Variants in TMEM178B observed in about 807,000 individuals in gnomAD.
The protein encoded by TMEM178B is transmembrane protein 178B.
A neutral mutation model predicts 31.0 loss-of-function variants in TMEM178B; 5 were observed. The ratio of observed to expected loss-of-function variants is 0.16; its 90% CI spans 0.08 to 0.34. TMEM178B has a LOEUF of 0.34. TMEM178B is among the 10% of genes least tolerant of loss of function. The pLI is 1.00. For synonymous variants in TMEM178B, 164 were observed against 164.0 expected (o/e 1.00, Z 0.00); for missense variants, 275 against 400.3 (o/e 0.69, Z 2.67).
At chr7:141,340,532 A>G (rs1351931300) in intron 2 of TMEM178B, among the ~76,000 whole-genome samples, 1 of 152,210 alleles carries the variant, frequency 6.6e-6, no homozygotes, top group Admixed American at 6.5e-5. Flanking sequence ...TGCTTCTTTC[A>G]ATTTTTGTCA....
chr7:141,191,273 G>T (rs905089732), intron 1 of TMEM178B, among the ~76,000 whole-genome samples: 13 of 152,120 alleles, frequency 8.5e-5, no homozygotes, highest in African/African-American at 3.1e-4. Flanking sequence ...CCTATTGATG[G>T]AAATTTAGGT....
chr7:141,158,198 C>T (rs1191316829), intron 1 of TMEM178B, among the ~76,000 whole-genome samples: 1 of 152,130 alleles, frequency 6.6e-6, no homozygotes. Context: ...CGGGTTCAAG[C>T]GATTCTCTTG....
chr7:141,080,354 C>T (rs954984770), intron 1 of TMEM178B, among the ~76,000 whole-genome samples: 19 of 152,134 alleles, frequency 1.2e-4, no homozygotes, highest in Admixed American at 2.6e-4. Context: ...GGCACGGTGG[C>T]GCACGCCTGT....
chr7:141,262,607 A>G (rs913210505), intron 2 of TMEM178B, among the ~76,000 whole-genome samples: 4 of 151,912 alleles, frequency 2.6e-5, no homozygotes, highest in Non-Finnish European at 5.9e-5. Flanking sequence ...TTCAGCTGGC[A>G]ATTTGCTACA....
chr7:141,137,022 A>G (rs1483479377), intron 1 of TMEM178B, among the ~76,000 whole-genome samples: 5 of 152,240 alleles, frequency 3.3e-5, no homozygotes, highest in Admixed American at 2.0e-4. Context: ...ATATCACCCC[A>G]GTTAGAATGG....
chr7:141,427,613 C>G (rs1801343186), intron 2 of TMEM178B, among the ~76,000 whole-genome samples: 1 of 152,114 alleles, frequency 6.6e-6, no homozygotes. Flanking sequence ...TGGAGGAAAA[C>G]AGGGGAAATG....
At chr7:141,201,191 A>T (rs1464481638) in intron 1 of TMEM178B, among the ~76,000 whole-genome samples, 1 of 152,256 alleles carries the variant, frequency 6.6e-6, no homozygotes, top group Non-Finnish European at 1.5e-5. Flanking sequence ...ACCGGCACAC[A>T]GCAGCCCACA....
intron 1 of TMEM178B, among the ~76,000 whole-genome samples, chr7:141,164,640 C>G (rs998742080): frequency 6.6e-6 from 1 of 152,172 alleles, no homozygotes; most frequent in Non-Finnish European, 1.5e-5. Context: ...GGTTTTCATT[C>G]TATTGCTGTT....
At chr7:141,420,759 C>T (rs1255663740) in intron 2 of TMEM178B, among the ~76,000 whole-genome samples, 1 of 152,134 alleles carries the variant, frequency 6.6e-6, no homozygotes, top group South Asian at 2.1e-4. Context: ...ATTTATGGTT[C>T]CTCAGCCTTC....
chr7:141,278,317 C>T (rs1368191718), intron 2 of TMEM178B, among the ~76,000 whole-genome samples: 1 of 152,172 alleles, frequency 6.6e-6, no homozygotes, highest in Non-Finnish European at 1.5e-5. Flanking sequence ...CACGGTGGCT[C>T]GCACCTGTAG....
intron 1 of TMEM178B, among the ~76,000 whole-genome samples, chr7:141,166,288 A>G (rs1479519837): frequency 1.3e-5 from 2 of 152,214 alleles, no homozygotes; most frequent in Non-Finnish European, 2.9e-5. Context: ...GACAGGTGCT[A>G]AGAGGTCATC....
chr7:141,456,439 G>T (rs760230057), intron 3 of TMEM178B, among the ~76,000 whole-genome samples: 18 of 152,166 alleles, frequency 1.2e-4, no homozygotes, highest in Non-Finnish European at 2.4e-4. Context: ...CAGGAAGCTG[G>T]TACAGGCTGT....
chr7:141,377,746 T>C (rs1389709120), intron 2 of TMEM178B, among the ~76,000 whole-genome samples: 3 of 152,182 alleles, frequency 2.0e-5, no homozygotes, highest in African/African-American at 7.2e-5. Context: ...TAAGATTTCA[T>C]TTTATATGAT....
At chr7:141,088,157 C>T (rs1280718858) in intron 1 of TMEM178B, among the ~76,000 whole-genome samples, 1 of 152,094 alleles carries the variant, frequency 6.6e-6, no homozygotes, top group Non-Finnish European at 1.5e-5. Context: ...GCCTCTGTGT[C>T]TTCAACCTCT....
At chr7:141,297,571 T>C (rs1021191002) in intron 2 of TMEM178B, among the ~76,000 whole-genome samples, 1 of 152,176 alleles carries the variant, frequency 6.6e-6, no homozygotes, top group African/African-American at 2.4e-5. Flanking sequence ...GTGTTCTCAT[T>C]GTTCAATTCC....
At chr7:141,202,355 C>A (rs946634672) in intron 1 of TMEM178B, among the ~76,000 whole-genome samples, 1 of 59,572 alleles carries the variant, frequency 1.7e-5, no homozygotes, top group African/African-American at 6.8e-5. Flanking sequence ...GGGTCAGAAA[C>A]ATGATGGTCG....
chr7:141,151,661 C>A (rs996040473), intron 1 of TMEM178B, among the ~76,000 whole-genome samples: 1 of 152,090 alleles, frequency 6.6e-6, no homozygotes, highest in Non-Finnish European at 1.5e-5. Context: ...AGAATCAGGA[C>A]CTCAGTGGGA....
At chr7:141,086,846 C>G (rs1342677591) in intron 1 of TMEM178B, among the ~76,000 whole-genome samples, 2 of 152,098 alleles carry the variant, frequency 1.3e-5, no homozygotes, top group African/African-American at 4.8e-5. Flanking sequence ...TGCCACCACG[C>G]CCAGCTGATT....
In TMEM178B at chr7:141,331,238, T is replaced by C. The variant is rs549017610; in HGVS notation, c.497-106370T>C. Among the ~76,000 whole-genome samples the C allele has an allele frequency of 3.0e-4, 45 of 152,276 alleles. No homozygotes were observed. The South Asian group carries it at 7.3e-3, about 25-fold the overall frequency. On this transcript the variant is annotated intron_variant, in intron 2 of 3. Coordinates refer to ENST00000565468, the MANE Select transcript of TMEM178B (RefSeq NM_001195278.2). ...GCAGATGGTCTCTAAGGCCATAGAA[T>C]AGATGATAACACCAAGGGAGTAAAT...
Sources: allele counts gnomAD v4.1 joint callset (sites outside exome capture counted in the v4.1 genomes callset), GRCh38; gene constraint gnomAD v4.1.1; transcripts MANE v1.5; gene names NCBI Gene and HGNC (gene_info 2026-07-23, HGNC 2026-07-21).